CDC73: variants seen among roughly 807,000 people sequenced by gnomAD.
CDC73 encodes the protein cell division cycle 73, also known as parafibromin.
In CDC73, 21 loss-of-function variants were observed where a neutral mutation model predicts 83.7. The observed-to-expected ratio is 0.25, with a 90% CI of 0.18 to 0.36. The LOEUF is 0.36. Among genes scored for constraint, CDC73 ranks in the 10% least tolerant of loss-of-function variants. The probability of loss-of-function intolerance (pLI) is 1.00; values close to 1 mark genes in which losing one functional copy is unlikely to be tolerated. For synonymous variants in CDC73, 224 were observed against 212.9 expected, an observed-to-expected ratio of 1.05 and a Z score of -0.45; for missense variants, 342 against 653.3, an observed-to-expected ratio of 0.52 and a Z score of 5.19.
At chr1:193,209,102 T>C (rs555648902) in intron 11 of CDC73, among the ~76,000 whole-genome samples, 2 of 152,268 alleles carry the variant, frequency 1.3e-5, no homozygotes, top group Admixed American at 6.5e-5. Context: ...GAATTACTTC[T>C]GTTTTATTTG....
At chr1:193,182,760 T>A (rs747004932) in intron 10 of CDC73, among the ~76,000 whole-genome samples, 20 of 152,214 alleles carry the variant, frequency 1.3e-4, no homozygotes, top group Admixed American at 2.6e-4. Context: ...GTTCTTAGTG[T>A]TTTTGTTGTT....
chr1:193,225,519 C>T (rs1041244186), intron 13 of CDC73, among the ~76,000 whole-genome samples: 1 of 152,038 alleles, frequency 6.6e-6, no homozygotes, highest in Non-Finnish European at 1.5e-5. Flanking sequence ...TTTACATTCC[C>T]ACTAGCAATG....
intron 13 of CDC73, among the ~76,000 whole-genome samples, chr1:193,229,748 A>G (rs1162109284): frequency 6.6e-6 from 1 of 152,260 alleles, no homozygotes; most frequent in Non-Finnish European, 1.5e-5. Context: ...CTACTGATAC[A>G]TCCCACAGCA....
At chr1:193,183,021 A>T (rs147313874) in intron 10 of CDC73, among the ~76,000 whole-genome samples, 1,857 of 152,128 alleles carry the variant, frequency 0.012, 19 homozygotes, top group South Asian at 0.034. Context: ...GCCTGTGATA[A>T]TGAGAGAGTC....
At chr1:193,161,224 C>T (rs1312515586) in intron 10 of CDC73, 1 of 176,576 alleles carries the variant, frequency 5.7e-6, no homozygotes, top group Non-Finnish European at 1.2e-5. Context: ...TTTTAAATAC[C>T]TGTTTTTAAA....
Position 193,157,951 on chromosome 1 carries a change from A to T in CDC73, c.972+5507A>T, listed in dbSNP as rs1288166837. ...AGTATTGTTGAAGATTAAAGGAGACACTGTATAAAATGCTTAGTACAAAGA... is the reference window on the plus strand; with the variant it reads ...AGTATTGTTGAAGATTAAAGGAGACTCTGTATAAAATGCTTAGTACAAAGA... On this transcript the variant is annotated intron_variant, in intron 10 of 16. Transcript: ENST00000367435. 5.9e-5 allele frequency among the ~76,000 whole-genome samples: 9 copies of T among 151,960 alleles called. No homozygotes were observed. In the East Asian group the frequency reaches 1.7e-3, roughly 29 times the overall value.
chr1:193,252,371 A>C lies in CDC73; in HGVS notation c.*1659A>C. 1 of 229,928 alleles carries C rather than the reference A, an allele frequency of 4.3e-6. No individual in the cohort carries two copies. Among genetic ancestry groups the C allele is most frequent in the East Asian group, 6.2e-5 (1 of 16,106 alleles). The allele number at this position is 229,928 out of a possible 1,614,324, so 14.2% of individuals were successfully genotyped here. A position where few individuals can be genotyped will look rare whatever the true frequency, so the allele number is the denominator to read the frequency against. On this transcript the variant is annotated 3_prime_UTR_variant, in exon 17 of 17. Transcript: ENST00000367435. ...AAACTTTCTCCATGATGAAATAGTC[A>C]AGGACCAGAATCTGTAATATTTTTA...
chr1:193,244,542 T>A (rs1219416929), intron 15 of CDC73, among the ~76,000 whole-genome samples: 1 of 152,328 alleles, frequency 6.6e-6, no homozygotes, highest in East Asian at 1.9e-4. Context: ...AGTGAGACCC[T>A]GTCTCAAACT....
At position 193,214,430 on chromosome 1, in the gene CDC73, AT is replaced by A. The variant is rs1677328576; in HGVS notation, c.1154+1955del. On this transcript the variant is annotated intron_variant, in intron 13 of 16. Transcript: ENST00000367435. ...TACCTGAGGGGAATTAAAAATGCAG[AT>A]TATTGGCTGGGCACGGTGGCTCACG... Among the ~76,000 whole-genome samples, 10 of 152,240 alleles carry A rather than the reference AT, an allele frequency of 6.6e-5. No homozygotes were observed. The South Asian group carries it at 2.1e-3, about 32-fold the overall frequency.
At chr1:193,234,397 T>C (rs1677723955) in intron 14 of CDC73, among the ~76,000 whole-genome samples, 1 of 148,106 alleles carries the variant, frequency 6.8e-6, no homozygotes, top group Non-Finnish European at 1.5e-5. Context: ...ATAGATACTT[T>C]GAGTAATATA....
chr1:193,203,924 T>C lies in CDC73; in HGVS notation c.1030+72T>C, dbSNP rs1261103162. The C allele has an allele frequency of 3.3e-6, 4 of 1,226,666 alleles. No individual in the cohort carries two copies. The African/African-American group carries it at 6.0e-5, about 18-fold the overall frequency. 76.0% of individuals were successfully genotyped at this position (1,226,666 alleles called of 1,614,324 possible). On this transcript the variant is annotated intron_variant, in intron 11 of 16. Transcript: ENST00000367435. ...ACAGTGCAAGTTTTTAGTATGCGTA[T>C]AATGCTTTGAACAAACTTAAATTTT...
chr1:193,247,107 AT>A lies in CDC73; in HGVS notation c.1418-2614del, dbSNP rs1022061911. Reference sequence around the variant, plus strand: ...GCTTTGCTTTATCAGGCTTTGCAGAATTTTTTTTTGTGAACAAATTGGTTTG... The same window carrying A: ...GCTTTGCTTTATCAGGCTTTGCAGAATTTTTTTTGTGAACAAATTGGTTTG... On this transcript the variant is annotated intron_variant, in intron 15 of 16. Transcript: ENST00000367435. Among the ~76,000 whole-genome samples the A allele has an allele frequency of 3.3e-5, 5 of 151,728 alleles. No homozygotes were observed. In the South Asian group the frequency reaches 1.0e-3, roughly 32 times the overall value.
intron 10 of CDC73, among the ~76,000 whole-genome samples, chr1:193,176,814 G>T (rs1395572446): frequency 2.6e-5 from 4 of 152,140 alleles, no homozygotes; most frequent in African/African-American, 9.7e-5. Context: ...ATGGGTAAAT[G>T]CAGTTCTACT....
In CDC73 at chr1:193,125,305, C is replaced by G. The variant is rs551196792; in HGVS notation, c.237+88C>G. On this transcript the variant is annotated intron_variant, in intron 2 of 16. Coordinates refer to ENST00000367435, the MANE Select transcript of CDC73 (RefSeq NM_024529.5). ...ACAGGGTCTGGCCTTGTTGCCCGGG[C>G]TAGGGTGCAGTGGTGTGATCATAGC... is the stretch of plus-strand genomic sequence containing the variant. 5 of 842,472 alleles carry G rather than the reference C, an allele frequency of 5.9e-6. No homozygotes were observed. The South Asian group carries it at 6.9e-5, about 12-fold the overall frequency. 52.2% of individuals were successfully genotyped at this position (842,472 alleles called of 1,614,324 possible).
chr1:193,245,976 C>G (rs1485670608), intron 15 of CDC73, among the ~76,000 whole-genome samples: 1 of 151,804 alleles, frequency 6.6e-6, no homozygotes, highest in Non-Finnish European at 1.5e-5. Context: ...ATTATAAAAT[C>G]TGATTTTTTA....
intron 11 of CDC73, among the ~76,000 whole-genome samples, chr1:193,204,079 T>G (rs549650555): frequency 1.7e-4 from 26 of 151,908 alleles, no homozygotes; most frequent in African/African-American, 5.8e-4. Flanking sequence ...AATCTTCATG[T>G]TTTTAGCAGA....
At chr1:193,128,663 A>G (rs1262231612) in intron 2 of CDC73, among the ~76,000 whole-genome samples, 1 of 152,208 alleles carries the variant, frequency 6.6e-6, no homozygotes, top group Non-Finnish European at 1.5e-5. Context: ...TTTTAAACTC[A>G]TAAGGAGAAA....
intron 1 of CDC73, among the ~76,000 whole-genome samples, chr1:193,122,952 T>C (rs1158503759): frequency 1.3e-5 from 2 of 152,110 alleles, no homozygotes; most frequent in Admixed American, 1.3e-4. Context: ...ATCTAAGAAA[T>C]AGATGGTGCG....
At chr1:193,209,790 G>T (rs1174100318) in intron 11 of CDC73, among the ~76,000 whole-genome samples, 1 of 151,906 alleles carries the variant, frequency 6.6e-6, no homozygotes, top group Admixed American at 6.6e-5. Context: ...ATTCCTGAGG[G>T]CATTTGTGGA....
Sources: allele counts gnomAD v4.1 joint callset (sites outside exome capture counted in the v4.1 genomes callset), GRCh38; gene constraint gnomAD v4.1.1; transcripts MANE v1.5; gene names NCBI Gene and HGNC (gene_info 2026-07-23, HGNC 2026-07-21).